The following HMGCLL1 variants were observed in gnomAD, a reference collection of about 807,000 sequenced individuals.
HMGCLL1 encodes 3-hydroxy-3-methylglutaryl-CoA lyase like 1, also known as 3-hydroxymethyl-3-methylglutaryl-CoA lyase, cytoplasmic.
In HMGCLL1, 36 loss-of-function variants were observed where a neutral mutation model predicts 39.1. The observed-to-expected ratio is 0.92, with a 90% CI of 0.71 to 1.22. HMGCLL1 has a LOEUF of 1.22. Ranked by LOEUF, HMGCLL1 falls within the 50% of genes most tolerant of loss-of-function variation. The pLI is 0.00. For missense variants in HMGCLL1, 451 were observed against 416.5 expected, an observed-to-expected ratio of 1.08 and a Z score of -0.72; for synonymous variants, 149 against 144.0, an observed-to-expected ratio of 1.03 and a Z score of -0.25.
chr6:55,511,474 T>G (rs1001642371), intron 5 of HMGCLL1, among the ~76,000 whole-genome samples: 1 of 152,050 alleles, frequency 6.6e-6, no homozygotes, highest in Non-Finnish European at 1.5e-5. Flanking sequence ...CTATTTGGAC[T>G]ATATGAATGT....
At chr6:55,674,859 C>T in the HMGCLL1 span, among the ~76,000 whole-genome samples, 2 of 152,002 alleles carry the variant, frequency 1.3e-5, no homozygotes, top group South Asian at 4.2e-4. Context: ...AGGAGACAGG[C>T]TTCAATTAAG....
At chr6:55,670,406 A>C in the HMGCLL1 span, among the ~76,000 whole-genome samples, 2 of 151,892 alleles carry the variant, frequency 1.3e-5, no homozygotes, top group Non-Finnish European at 2.9e-5. Flanking sequence ...AATACCATGA[A>C]TAAACAAGTA....
chr6:55,521,042 C>G (rs1215082435), intron 3 of HMGCLL1, among the ~76,000 whole-genome samples: 1 of 152,034 alleles, frequency 6.6e-6, no homozygotes, highest in Non-Finnish European at 1.5e-5. Context: ...ATTTTATTTG[C>G]TACTAACTCT....
chr6:55,606,656 T>A, the HMGCLL1 span, among the ~76,000 whole-genome samples: 1 of 152,208 alleles, frequency 6.6e-6, no homozygotes, highest in Non-Finnish European at 1.5e-5. Context: ...TAATTCATGC[T>A]AAAATTAGTT....
At chr6:55,644,488 G>A in the HMGCLL1 span, among the ~76,000 whole-genome samples, 1 of 151,824 alleles carries the variant, frequency 6.6e-6, no homozygotes. Flanking sequence ...AACGTCCTGG[G>A]GAAATTCCCC....
chr6:55,570,787 A>C (rs2127475922), intron 1 of HMGCLL1, among the ~76,000 whole-genome samples: 1 of 152,306 alleles, frequency 6.6e-6, no homozygotes, highest in African/African-American at 2.4e-5. Context: ...ATACTATATT[A>C]GTCCATGTTC....
the HMGCLL1 span, among the ~76,000 whole-genome samples, chr6:55,622,773 C>T: frequency 6.6e-6 from 1 of 151,980 alleles, no homozygotes; most frequent in Non-Finnish European, 1.5e-5. Flanking sequence ...ATTTGCCTCA[C>T]AGAGTGAGTT....
chr6:55,460,957 A>AT (rs1476941196), intron 7 of HMGCLL1, among the ~76,000 whole-genome samples: 1 of 152,032 alleles, frequency 6.6e-6, no homozygotes, highest in Non-Finnish European at 1.5e-5. Context: ...TAGGAGACAT[A>AT]TAAAATATAA....
intron 7 of HMGCLL1, among the ~76,000 whole-genome samples, chr6:55,492,054 T>C (rs1766337159): frequency 6.6e-6 from 1 of 152,178 alleles, no homozygotes; most frequent in Non-Finnish European, 1.5e-5. Flanking sequence ...CCTATCATTG[T>C]GGCTAAGTTT....
intron 1 of HMGCLL1, among the ~76,000 whole-genome samples, chr6:55,573,606 T>C (rs1372942786): frequency 6.6e-6 from 1 of 151,420 alleles, no homozygotes; most frequent in Non-Finnish European, 1.5e-5. Flanking sequence ...ATTACTGAAA[T>C]GGAATATAAA....
chr6:55,543,142 T>G lies in HMGCLL1; in HGVS notation c.109-1002A>C, dbSNP rs370786824. On this transcript the variant is annotated intron_variant, in intron 1 of 8. Coordinates refer to ENST00000274901, the MANE Select transcript of HMGCLL1 (RefSeq NM_001042406.2). ...AATATATATCATATATATGATATAT[T>G]ATATATTATATATATTATATATATA... Among the ~76,000 whole-genome samples the G allele has an allele frequency of 1.3e-3, 8 of 5,944 alleles. 3 individuals carry two copies. Among genetic ancestry groups the G allele is most frequent in the East Asian group, 0.012 (2 of 168 alleles). 3.9% of individuals were successfully genotyped at this position (5,944 alleles called of 152,430 possible). A position where few individuals can be genotyped will look rare whatever the true frequency, so the allele number is the denominator to read the frequency against.
At chr6:55,666,429 G>A in the HMGCLL1 span, among the ~76,000 whole-genome samples, 1 of 151,600 alleles carries the variant, frequency 6.6e-6, no homozygotes, top group Admixed American at 6.6e-5. Flanking sequence ...GGTAGGCAAA[G>A]TCCTTAAGCA....
At chr6:55,630,014 C>A in the HMGCLL1 span, among the ~76,000 whole-genome samples, 1 of 152,166 alleles carries the variant, frequency 6.6e-6, no homozygotes, top group Non-Finnish European at 1.5e-5. Context: ...TGGGGCACCA[C>A]ATAGTGGAGC....
chr6:55,621,259 G>C, the HMGCLL1 span, among the ~76,000 whole-genome samples: 1 of 152,090 alleles, frequency 6.6e-6, no homozygotes, highest in Non-Finnish European at 1.5e-5. Flanking sequence ...ACTTTAACAT[G>C]AAAGTGTTTT....
At chr6:55,504,295 G>T (rs573574895) in intron 5 of HMGCLL1, among the ~76,000 whole-genome samples, 1 of 151,580 alleles carries the variant, frequency 6.6e-6, no homozygotes, top group Non-Finnish European at 1.5e-5. Flanking sequence ...TATTTTTAAT[G>T]ACTTCATTGT....
At chr6:55,594,655 G>A in the HMGCLL1 span, among the ~76,000 whole-genome samples, 28 of 152,222 alleles carry the variant, frequency 1.8e-4, no homozygotes, top group Non-Finnish European at 3.4e-4. Flanking sequence ...GATAAGATGT[G>A]CTTGAGATAA....
At chr6:55,641,958 G>A in the HMGCLL1 span, among the ~76,000 whole-genome samples, 1 of 137,596 alleles carries the variant, frequency 7.3e-6, no homozygotes. Context: ...TGCACATTGT[G>A]CAGGTTAGTT....
chr6:55,469,056 T>C (rs907619141), intron 7 of HMGCLL1, among the ~76,000 whole-genome samples: 13 of 151,686 alleles, frequency 8.6e-5, no homozygotes, highest in African/African-American at 3.1e-4. Context: ...ATTAGTTTTC[T>C]GAGTTTAAAC....
At chr6:55,658,386 T>C in the HMGCLL1 span, among the ~76,000 whole-genome samples, 2 of 151,932 alleles carry the variant, frequency 1.3e-5, no homozygotes, top group African/African-American at 4.8e-5. Flanking sequence ...AATTGAATAA[T>C]GTGTCCAAAC....
Sources: gnomAD v4.1 joint callset for allele counts (sites outside exome capture counted in the v4.1 genomes callset) on GRCh38, gnomAD v4.1.1 for gene constraint, MANE v1.5 for transcripts, NCBI Gene and HGNC (gene_info 2026-07-23, HGNC 2026-07-21) for gene names.